WWOX: variants seen among roughly 807,000 people sequenced by gnomAD.
WWOX encodes the protein WW domain-containing oxidoreductase.
WWOX carries 69 observed loss-of-function variants against 46.2 expected under a neutral mutation model. The observed-to-expected ratio is 1.49, with a 90% CI of 1.23 to 1.82. The LOEUF is 1.82. WWOX is among the 40% of genes most tolerant of loss of function. The pLI, the probability that WWOX is intolerant of heterozygous loss-of-function variation, is 0.00. For missense variants in WWOX, 919 were observed against 542.6 expected, an observed-to-expected ratio of 1.69 and a Z score of -6.89; for synonymous variants, 359 against 202.6, an observed-to-expected ratio of 1.77 and a Z score of -6.56.
intron 8 of WWOX, among the ~76,000 whole-genome samples, chr16:78,812,123 G>T (rs1384864540): frequency 2.0e-5 from 3 of 152,042 alleles, no homozygotes; most frequent in Non-Finnish European, 4.4e-5. Flanking sequence ...CCACCACAGA[G>T]ACCAAATACA....
At chr16:78,213,295 C>A (rs1033526617) in intron 5 of WWOX, among the ~76,000 whole-genome samples, 1 of 150,760 alleles carries the variant, frequency 6.6e-6, no homozygotes. Context: ...CCAGGCTGAC[C>A]TCAGCACCAT....
At position 78,439,853 on chromosome 16, in the gene WWOX, G is replaced by A. The variant is rs140221304; in HGVS notation, c.1056+7101G>A. Among the ~76,000 whole-genome samples, 56 of 152,272 alleles carry A rather than the reference G, an allele frequency of 3.7e-4. 1 individual carries two copies. The East Asian group carries it at 9.9e-3, about 27-fold the overall frequency. On this transcript the variant is annotated intron_variant, in intron 8 of 8. Transcript: ENST00000566780. ...CTCATGCTTACAAGATGGCTTCTGTGGTGCCAGCCATTGCATCCTATTTGA... is the reference window on the plus strand; with the variant it reads ...CTCATGCTTACAAGATGGCTTCTGTAGTGCCAGCCATTGCATCCTATTTGA...
intron 8 of WWOX, among the ~76,000 whole-genome samples, chr16:78,974,756 G>C (rs1451260607): frequency 6.6e-6 from 1 of 152,154 alleles, no homozygotes; most frequent in African/African-American, 2.4e-5. Context: ...CTGGTGTTGG[G>C]TCCGCCAGCT....
chr16:78,830,093 C>T (rs1319714106), intron 8 of WWOX, among the ~76,000 whole-genome samples: 1 of 151,772 alleles, frequency 6.6e-6, no homozygotes, highest in Non-Finnish European at 1.5e-5. Flanking sequence ...TAGGGAGACC[C>T]TCATCTCTAT....
intron 8 of WWOX, among the ~76,000 whole-genome samples, chr16:78,538,148 G>A (rs867834995): frequency 7.1e-6 from 1 of 140,824 alleles, no homozygotes; most frequent in African/African-American, 2.7e-5. Context: ...AAAATTTAGT[G>A]ATTGCCAGTC....
intron 8 of WWOX, among the ~76,000 whole-genome samples, chr16:78,776,450 C>T (rs1364063848): frequency 6.6e-6 from 1 of 152,024 alleles, no homozygotes; most frequent in East Asian, 1.9e-4. Context: ...ATGGGGATTC[C>T]AGTGGTTATT....
At chr16:78,923,793 A>AT (rs1567652268) in intron 8 of WWOX, among the ~76,000 whole-genome samples, 3 of 61,852 alleles carry the variant, frequency 4.9e-5, no homozygotes, top group Non-Finnish European at 6.7e-5. Context: ...GTTTTTAGTT[A>AT]GTTTTTTTTT....
chr16:78,932,974 A>C (rs62035963), intron 8 of WWOX, among the ~76,000 whole-genome samples: 1 of 152,132 alleles, frequency 6.6e-6, no homozygotes, highest in Non-Finnish European at 1.5e-5. Context: ...TGTTGAATCA[A>C]TAGACCACGT....
intron 5 of WWOX, among the ~76,000 whole-genome samples, chr16:78,336,136 G>A (rs1213886118): frequency 1.3e-5 from 2 of 151,662 alleles, no homozygotes; most frequent in African/African-American, 4.8e-5. Context: ...ATGTATAAAA[G>A]GTACCCAGGT....
intron 8 of WWOX, among the ~76,000 whole-genome samples, chr16:79,159,731 A>G (rs2050448564): frequency 1.3e-5 from 2 of 152,208 alleles, no homozygotes; most frequent in African/African-American, 4.8e-5. Flanking sequence ...TGCTCAATCT[A>G]GTTTTATTTC....
intron 8 of WWOX, among the ~76,000 whole-genome samples, chr16:78,676,146 G>A (rs2047593865): frequency 6.6e-6 from 1 of 151,904 alleles, no homozygotes; most frequent in Admixed American, 6.6e-5. Flanking sequence ...GCCCCCAAGG[G>A]TTCAAATTCC....
intron 8 of WWOX, among the ~76,000 whole-genome samples, chr16:78,940,528 G>C (rs190670361): frequency 3.0e-4 from 46 of 152,158 alleles, no homozygotes; most frequent in Middle Eastern, 3.4e-3. Context: ...CATTTCCATC[G>C]ACATCCCGTG....
chr16:78,667,312 C>G (rs375761352), intron 8 of WWOX, among the ~76,000 whole-genome samples: 3 of 152,184 alleles, frequency 2.0e-5, no homozygotes, highest in East Asian at 3.9e-4. Context: ...GACAGGCTGA[C>G]ATTTTTATTG....
chr16:78,305,538 G>C (rs77457802), intron 5 of WWOX, among the ~76,000 whole-genome samples: 1 of 151,954 alleles, frequency 6.6e-6, no homozygotes, highest in Non-Finnish European at 1.5e-5. Flanking sequence ...CCCAGATCCC[G>C]TGAACTGATT....
intron 8 of WWOX, among the ~76,000 whole-genome samples, chr16:78,679,858 G>C (rs1329495548): frequency 6.6e-6 from 1 of 152,180 alleles, no homozygotes; most frequent in African/African-American, 2.4e-5. Context: ...TGCTGTCATT[G>C]CTGCCGCATT....
intron 8 of WWOX, among the ~76,000 whole-genome samples, chr16:78,943,601 G>A (rs2045894313): frequency 1.3e-5 from 2 of 152,140 alleles, no homozygotes; most frequent in African/African-American, 4.8e-5. Flanking sequence ...CAAAATAGAG[G>A]GCGATGGCTC....
intron 5 of WWOX, among the ~76,000 whole-genome samples, chr16:78,250,209 T>A (rs913952978): frequency 1.3e-5 from 2 of 152,234 alleles, no homozygotes; most frequent in Non-Finnish European, 2.9e-5. Context: ...ACACAGATCA[T>A]TTCTTTAGCA....
chr16:78,465,600 T>G (rs142217353), intron 8 of WWOX, among the ~76,000 whole-genome samples: 2 of 152,374 alleles, frequency 1.3e-5, no homozygotes, highest in African/African-American at 4.8e-5. Flanking sequence ...AATCTCTGAA[T>G]TTAACATGCT....
intron 8 of WWOX, among the ~76,000 whole-genome samples, chr16:78,875,419 G>A (rs987037118): frequency 6.6e-6 from 1 of 152,102 alleles, no homozygotes; most frequent in Admixed American, 6.5e-5. Flanking sequence ...TAATTCTCGA[G>A]TGTCTGATCT....
Sources: gnomAD v4.1 joint callset for allele counts (sites outside exome capture counted in the v4.1 genomes callset) on GRCh38, gnomAD v4.1.1 for gene constraint, MANE v1.5 for transcripts, NCBI Gene and HGNC (gene_info 2026-07-23, HGNC 2026-07-21) for gene names.